AGBL4: variants seen among roughly 807,000 people sequenced by gnomAD.
The protein encoded by AGBL4 is AGBL carboxypeptidase 4, also known as cytosolic carboxypeptidase 6.
A neutral mutation model predicts 66.4 loss-of-function variants in AGBL4; 58 were observed. The ratio of observed to expected loss-of-function variants is 0.87; its 90% confidence interval spans 0.71 to 1.09. The LOEUF (loss-of-function observed/expected upper bound fraction) is 1.09. AGBL4 is among the 50% of genes least tolerant of loss of function. The pLI, the probability that AGBL4 is intolerant of heterozygous loss-of-function variation, is 0.00. For missense variants in AGBL4, 579 were observed against 631.0 expected (o/e 0.92, Z 0.88); for synonymous variants, 234 against 222.9 (o/e 1.05, Z -0.44).
chr1:48,870,646 G>A (rs549095700), intron 5 of AGBL4, among the ~76,000 whole-genome samples: 2 of 152,266 alleles, frequency 1.3e-5, no homozygotes, highest in African/African-American at 4.8e-5. Flanking sequence ...TCTCCTCTGG[G>A]AGGGTTTCCC....
intron 2 of AGBL4, among the ~76,000 whole-genome samples, chr1:49,790,363 C>CAA (rs11313463): frequency 1.2e-4 from 12 of 98,964 alleles, no homozygotes; most frequent in African/African-American, 3.6e-4. Context: ...GATTCTATCT[C>CAA]AAAAAAAAAA....
chr1:49,668,658 A>G (rs764117740), intron 3 of AGBL4, among the ~76,000 whole-genome samples: 1 of 152,194 alleles, frequency 6.6e-6, no homozygotes, highest in Non-Finnish European at 1.5e-5. Context: ...TAACGAAGGA[A>G]AGAGCACCAA....
intron 3 of AGBL4, among the ~76,000 whole-genome samples, chr1:49,341,961 C>A (rs1005207110): frequency 6.6e-6 from 1 of 152,066 alleles, no homozygotes; most frequent in Non-Finnish European, 1.5e-5. Flanking sequence ...GAATAGACAT[C>A]CATGGGGGAC....
intron 3 of AGBL4, among the ~76,000 whole-genome samples, chr1:49,512,134 G>A (rs1649326945): frequency 1.3e-5 from 2 of 151,916 alleles, no homozygotes; most frequent in Admixed American, 1.3e-4. Flanking sequence ...TAAAGCAGAT[G>A]GTGGAATATT....
intron 3 of AGBL4, chr1:49,269,222 T>C (rs886280206): frequency 6.6e-6 from 1 of 152,208 alleles, no homozygotes; most frequent in Non-Finnish European, 1.5e-5. Context: ...TAATCTACAG[T>C]TGATCACTAA....
intron 3 of AGBL4, among the ~76,000 whole-genome samples, chr1:49,537,587 A>G (rs1188548126): frequency 6.6e-6 from 1 of 152,238 alleles, no homozygotes; most frequent in Non-Finnish European, 1.5e-5. Context: ...AATGCAAATT[A>G]AAACCACAGT....
At chr1:49,963,207 G>A (rs1208409907) in intron 1 of AGBL4, among the ~76,000 whole-genome samples, 1 of 152,102 alleles carries the variant, frequency 6.6e-6, no homozygotes, top group Non-Finnish European at 1.5e-5. Flanking sequence ...GTAAAATACA[G>A]AGAAGGAGAA....
chr1:49,860,558 C>T (rs761608613), intron 1 of AGBL4, among the ~76,000 whole-genome samples: 1 of 152,038 alleles, frequency 6.6e-6, no homozygotes, highest in Non-Finnish European at 1.5e-5. Flanking sequence ...AGTTAGCTGG[C>T]AGTGGTGGCA....
At chr1:49,443,835 C>T (rs1646093097) in intron 3 of AGBL4, among the ~76,000 whole-genome samples, 2 of 150,980 alleles carry the variant, frequency 1.3e-5, no homozygotes, top group Admixed American at 1.3e-4. Context: ...GCTTTTCTAG[C>T]TCCTTGAGAT....
At chr1:48,951,308 C>G (rs1656966481) in intron 5 of AGBL4, among the ~76,000 whole-genome samples, 1 of 151,706 alleles carries the variant, frequency 6.6e-6, no homozygotes, top group Non-Finnish European at 1.5e-5. Context: ...TTTTGTGTGA[C>G]TACACTAATC....
intron 6 of AGBL4, among the ~76,000 whole-genome samples, chr1:48,680,030 G>T (rs2148478385): frequency 6.6e-6 from 1 of 152,314 alleles, no homozygotes; most frequent in Non-Finnish European, 1.5e-5. Context: ...TTGGCACATT[G>T]TAAGGCTGCA....
At chr1:49,906,511 T>C (rs577073762) in intron 1 of AGBL4, among the ~76,000 whole-genome samples, 1 of 152,140 alleles carries the variant, frequency 6.6e-6, no homozygotes, top group African/African-American at 2.4e-5. Flanking sequence ...CCCAATCCAA[T>C]TGTCTTTCCT....
intron 3 of AGBL4, among the ~76,000 whole-genome samples, chr1:49,562,598 T>G (rs1325736432): frequency 6.6e-6 from 1 of 152,162 alleles, no homozygotes; most frequent in Non-Finnish European, 1.5e-5. Context: ...TTGTCAGGTT[T>G]GTCAAAGATC....
chr1:49,256,632 T>C (rs1408362140), intron 3 of AGBL4, among the ~76,000 whole-genome samples: 2 of 152,360 alleles, frequency 1.3e-5, no homozygotes, highest in Admixed American at 6.5e-5. Context: ...TGTCTGTGTC[T>C]ATGTGTGTTT....
intron 3 of AGBL4, among the ~76,000 whole-genome samples, chr1:49,514,651 G>A (rs191222485): frequency 0.015 from 2,277 of 151,972 alleles, 35 homozygotes; most frequent in Non-Finnish European, 0.022. Flanking sequence ...ACAAGGCTAC[G>A]GTAACCAAAA....
intron 3 of AGBL4, among the ~76,000 whole-genome samples, chr1:49,377,862 A>G (rs1342345625): frequency 1.3e-5 from 2 of 152,128 alleles, no homozygotes; most frequent in African/African-American, 4.8e-5. Context: ...TCTCTCTACC[A>G]GGAATGATCA....
intron 5 of AGBL4, among the ~76,000 whole-genome samples, chr1:48,945,740 C>T (rs1350334797): frequency 1.3e-5 from 2 of 152,102 alleles, no homozygotes; most frequent in Non-Finnish European, 2.9e-5. Context: ...TATTTACTGT[C>T]AAGAGGCAAT....
intron 2 of AGBL4, among the ~76,000 whole-genome samples, chr1:49,726,177 G>A (rs1157286279): frequency 1.3e-5 from 2 of 152,100 alleles, no homozygotes; most frequent in African/African-American, 4.8e-5. Flanking sequence ...AGGTGGTTGG[G>A]ATTCAGAGAA....
intron 1 of AGBL4, among the ~76,000 whole-genome samples, chr1:49,881,476 T>C (rs1477039063): frequency 1.3e-5 from 2 of 151,564 alleles, no homozygotes; most frequent in Non-Finnish European, 2.9e-5. Context: ...ACTTCCACAA[T>C]GGTTGAACTA....
Sources: allele counts gnomAD v4.1 joint callset (sites outside exome capture counted in the v4.1 genomes callset), GRCh38; gene constraint gnomAD v4.1.1; transcripts MANE v1.5; gene names NCBI Gene and HGNC (gene_info 2026-07-23, HGNC 2026-07-21).